Variants in TLN2 observed in about 807,000 individuals in gnomAD.
TLN2 encodes the protein talin-2.
In TLN2, 118 loss-of-function variants were observed where a neutral mutation model predicts 294.7. That is an observed-to-expected ratio of 0.40 (90% CI 0.34 to 0.47). TLN2 has a LOEUF of 0.47. Among genes scored for constraint, TLN2 ranks in the 20% least tolerant of loss-of-function variants. The pLI is 0.84. For missense variants in TLN2, 3,083 were observed against 3,282.2 expected (o/e 0.94, Z 1.48); for synonymous variants, 1,431 against 1,304.5 (o/e 1.10, Z -2.09).
chr15:62,595,949 A>T (rs1212845120), intron 2 of TLN2, among the ~76,000 whole-genome samples: 1 of 152,188 alleles, frequency 6.6e-6, no homozygotes, highest in Non-Finnish European at 1.5e-5. Flanking sequence ...TAAGTTCAAG[A>T]GCTCTGTTGC....
At chr15:62,785,524 C>G (rs368644430) in intron 45 of TLN2, among the ~76,000 whole-genome samples, 64 of 152,140 alleles carry the variant, frequency 4.2e-4, no homozygotes, top group African/African-American at 1.4e-3. Context: ...TGATGGTGTG[C>G]GCCTGTAATC....
chr15:62,460,095 C>G (rs1303137162), intron 1 of TLN2, among the ~76,000 whole-genome samples: 1 of 152,100 alleles, frequency 6.6e-6, no homozygotes, highest in African/African-American at 2.4e-5. Flanking sequence ...AGTGACAGTC[C>G]TACCACCTGT....
chr15:62,595,039 A>C (rs2046370628), intron 2 of TLN2, among the ~76,000 whole-genome samples: 1 of 152,246 alleles, frequency 6.6e-6, no homozygotes, highest in Non-Finnish European at 1.5e-5. Flanking sequence ...TATATGAAAA[A>C]ATACTCAACA....
chr15:62,740,760 C>T lies in TLN2; in HGVS notation c.4016C>T (p.Ala1339Val). 1 of 1,614,206 alleles carries T rather than the reference C, an allele frequency of 6.2e-7. No individual in the cohort carries two copies. The highest frequency in any genetic ancestry group is 8.5e-7 in the Non-Finnish European group (1 of 1,180,048). The change falls in exon 32 of 59, where the codon GCA becomes GTA. Residue 1339 changes from alanine to valine, a missense_variant. Coordinates refer to ENST00000636159, the MANE Select transcript of TLN2 (RefSeq NM_015059.3). ...GAPNAKNLLA[A>V]AARAVTESIN... ...CCCAATGCGAAAAATCTCCTGGCTG[C>T]AGCTGCAAGGTAGGAGTGGGACACA... is the stretch of plus-strand genomic sequence containing the variant.
At chr15:62,564,923 A>ATATATATATAT (rs1442472632) in intron 1 of TLN2, among the ~76,000 whole-genome samples, 10 of 102,130 alleles carry the variant, frequency 9.8e-5, no homozygotes, top group African/African-American at 3.5e-4. Context: ...AAAAAAAAAA[A>ATATATATATAT]AAATATATAT....
intron 3 of TLN2, among the ~76,000 whole-genome samples, chr15:62,632,518 C>T (rs1404667346): frequency 6.6e-6 from 1 of 152,196 alleles, no homozygotes; most frequent in East Asian, 1.9e-4. Flanking sequence ...CAAGGCAGGA[C>T]TCCTCTCTCA....
intron 1 of TLN2, among the ~76,000 whole-genome samples, chr15:62,444,201 G>T (rs1595817732): frequency 6.6e-6 from 1 of 152,206 alleles, no homozygotes; most frequent in African/African-American, 2.4e-5. Context: ...GGAGGGTGAG[G>T]CTAGTAATTC....
chr15:62,602,923 C>T (rs374310972), intron 2 of TLN2, among the ~76,000 whole-genome samples: 55 of 149,720 alleles, frequency 3.7e-4, no homozygotes, highest in Admixed American at 2.9e-3. Flanking sequence ...GACTGAGTCT[C>T]GCTCTGTTGC....
intron 48 of TLN2, among the ~76,000 whole-genome samples, chr15:62,797,629 T>A (rs949371701): frequency 6.6e-6 from 1 of 150,670 alleles, no homozygotes; most frequent in African/African-American, 2.4e-5. Flanking sequence ...TTGAGAAGAG[T>A]CTAGAAGGAA....
At position 62,836,063 on chromosome 15, in the gene TLN2, G is replaced by T. The variant is rs1197907744; in HGVS notation, c.7364G>T (p.Arg2455Met). Residue 2455 changes from arginine (R) to methionine (M), a missense_variant, in exon 57 of 59, where the codon AGG (arginine) becomes ATG (methionine). Transcript: ENST00000636159. ...VKADQDSEAM[R>M]RLQAAGNAVK... Reference sequence around the variant, plus strand: ...GCCGACCAGGATTCAGAGGCCATGAGGCGGCTACAGGTAATGGTCACTGAT... The same window carrying T: ...GCCGACCAGGATTCAGAGGCCATGATGCGGCTACAGGTAATGGTCACTGAT... The T allele has an allele frequency of 1.9e-6, 3 of 1,609,190 alleles. No individual in the cohort carries two copies. Among genetic ancestry groups the T allele is most frequent in the African/African-American group, 2.7e-5 (2 of 74,872 alleles).
chr15:62,707,214 G>A lies in TLN2; in HGVS notation c.2133G>A (p.Gln711=). ...LQNRVIAAAT[Q]CALSTSQLVA... is the part of the protein sequence containing the mutation. ...ACAGGGTAATTGCTGCTGCCACCCA[G>A]TGTGCCCTCTCCACCTCCCAGCTTG... Residue 711 remains glutamine, a synonymous_variant, in exon 20 of 59, where the codon CAG becomes CAA. Transcript: ENST00000636159. The A allele has an allele frequency of 6.2e-7, 1 of 1,613,706 alleles. No individual in the cohort carries two copies. The highest frequency in any genetic ancestry group is 1.7e-5 in the Admixed American group (1 of 59,986).
At chr15:62,680,818 A>G (rs796714180) in intron 11 of TLN2, among the ~76,000 whole-genome samples, 23 of 152,250 alleles carry the variant, frequency 1.5e-4, no homozygotes, top group African/African-American at 5.5e-4. Flanking sequence ...TTTATAGGTG[A>G]GAGCATATGG....
At chr15:62,807,283 T>A (rs919246808) in intron 51 of TLN2, among the ~76,000 whole-genome samples, 19 of 152,106 alleles carry the variant, frequency 1.2e-4, no homozygotes, top group African/African-American at 4.3e-4. Context: ...AATCTCAAAA[T>A]TTTCGAAGAG....
At chr15:62,667,112 C>G (rs1382958529) in intron 9 of TLN2, among the ~76,000 whole-genome samples, 1 of 152,116 alleles carries the variant, frequency 6.6e-6, no homozygotes, top group Admixed American at 6.5e-5. Flanking sequence ...ACTACAGGCG[C>G]CCACCACCAC....
At chr15:62,812,369 C>G (rs888125467) in intron 52 of TLN2, among the ~76,000 whole-genome samples, 1 of 152,152 alleles carries the variant, frequency 6.6e-6, no homozygotes, top group South Asian at 2.1e-4. Context: ...ACACATGGGC[C>G]TCAGGTTGGC....
At position 62,533,883 on chromosome 15, in the gene TLN2, T is replaced by C. The variant is rs183026712; in HGVS notation, c.-237-55804T>C. Among the ~76,000 whole-genome samples, 204 of 152,314 alleles carry C rather than the reference T, an allele frequency of 1.3e-3. 3 individuals carry two copies. The highest frequency in any genetic ancestry group is 2.4e-3 in the Non-Finnish European group (160 of 68,012). On this transcript the variant is annotated intron_variant, in intron 1 of 58. Transcript: ENST00000636159. ...GTGGTGTAACATGCATCCCATCTGG[T>C]AGCTTTTAGGCTCAGGTGATTGGCT...
chr15:62,821,475 C>T (rs1283901974), intron 54 of TLN2, among the ~76,000 whole-genome samples: 1 of 152,214 alleles, frequency 6.6e-6, no homozygotes, highest in Non-Finnish European at 1.5e-5. Context: ...TAAAAATTTA[C>T]CTATTTTTGT....
chr15:62,715,989 G>C (rs903744641), intron 22 of TLN2, among the ~76,000 whole-genome samples: 1 of 152,182 alleles, frequency 6.6e-6, no homozygotes, highest in East Asian at 1.9e-4. Flanking sequence ...ATGAAAAGAA[G>C]ATTCTCCCTG....
intron 1 of TLN2, among the ~76,000 whole-genome samples, chr15:62,397,566 A>G (rs2032652769): frequency 6.6e-6 from 1 of 152,126 alleles, no homozygotes; most frequent in African/African-American, 2.4e-5. Flanking sequence ...ACCCTGCTCT[A>G]CATTGAAAAA....
Sources: allele counts gnomAD v4.1 joint callset (sites outside exome capture counted in the v4.1 genomes callset), GRCh38; gene constraint gnomAD v4.1.1; transcripts MANE v1.5; gene names NCBI Gene and HGNC (gene_info 2026-07-23, HGNC 2026-07-21).